The following SQLE variants were observed in gnomAD, a reference collection of about 807,000 sequenced individuals.
SQLE encodes squalene epoxidase.
A neutral mutation model predicts 60.7 loss-of-function variants in SQLE; 29 were observed. That is an observed-to-expected ratio of 0.48 (90% CI 0.36 to 0.65). The LOEUF (loss-of-function observed/expected upper bound fraction) is 0.65, where lower values mean the gene tolerates loss of function less well. SQLE is among the 30% of genes least tolerant of loss of function. The probability of loss-of-function intolerance (pLI) is 0.00; values close to 1 mark genes in which losing one functional copy is unlikely to be tolerated. For synonymous variants in SQLE, 237 were observed against 246.8 expected (o/e 0.96, Z 0.37); for missense variants, 605 against 684.1 (o/e 0.88, Z 1.29).
chr8:125,005,615 T>G lies in SQLE; in HGVS notation c.635T>G (p.Leu212Arg). 1 of 1,612,534 alleles carries G rather than the reference T, an allele frequency of 6.2e-7. No individual in the cohort carries two copies. The highest frequency in any genetic ancestry group is 1.3e-5 in the African/African-American group (1 of 75,020). Residue 212 changes from leucine (L) to arginine (R), a missense_variant, in exon 3 of 11, where the codon CTG becomes CGG. Leu to Arg is a moderately radical substitution (Grantham distance 102). Coordinates refer to ENST00000265896, the MANE Select transcript of SQLE (RefSeq NM_003129.4). The part of the protein sequence containing the change: ...SKSEVQIPYP[L>R]SENNQVQSGR... ...TCAGAGGTTCAGATTCCTTACCCTC[T>G]GTCAGAAAACAATCAAGTGCAGAGT...
chr8:125,009,152 T>G lies in SQLE; in HGVS notation c.937-20T>G, dbSNP rs1563597737. Reference sequence around the variant, plus strand: ...TGAAATTTGAAAATTATTAAAACATTTTCTTTTTATTTGTTTTAGAATGCA... The same window carrying G: ...TGAAATTTGAAAATTATTAAAACATGTTCTTTTTATTTGTTTTAGAATGCA... On this transcript the variant is annotated intron_variant, in intron 5 of 10. Coordinates refer to ENST00000265896, the MANE Select transcript of SQLE (RefSeq NM_003129.4). 1 of 1,573,124 alleles carries G rather than the reference T, an allele frequency of 6.4e-7. No homozygotes were observed. The highest frequency in any genetic ancestry group is 8.6e-7 in the Non-Finnish European group (1 of 1,162,520).
intron 7 of SQLE, 104 bp downstream of exon 7, chr8:125,011,736 T>G: frequency 2.0e-6 from 2 of 1,004,596 alleles, no homozygotes. Context: ...AGATAGTTTG[T>G]CACTGTGGAT....
chr8:125,021,038 ACT>A (rs922856932), intron 10 of SQLE, 167 bp downstream of exon 10: 17 of 557,954 alleles, frequency 3.0e-5, no homozygotes, highest in African/African-American at 3.0e-4. Flanking sequence ...AATATTTAGT[ACT>A]GTTTTCTTTC....
At chr8:125,021,034 T>C (rs546409429) in intron 10 of SQLE, 163 bp downstream of exon 10, 2 of 564,730 alleles carry the variant, frequency 3.5e-6, no homozygotes, top group South Asian at 2.4e-5. Context: ...ACGCAATATT[T>C]AGTACTGTTT....
chr8:125,011,819 T>G (rs1390862262), intron 7 of SQLE, among the ~76,000 whole-genome samples, 187 bp downstream of exon 7: 2 of 113,498 alleles, frequency 1.8e-5, no homozygotes, highest in African/African-American at 7.4e-5. Context: ...ACAAGTATTG[T>G]GCTAGTCAGG....
At chr8:125,021,528 T>TA (rs3215422) in intron 10 of SQLE, among the ~76,000 whole-genome samples, 172 of 85,878 alleles carry the variant, frequency 2.0e-3, no homozygotes, top group African/African-American at 5.9e-3. Flanking sequence ...TATTTTTTCT[T>TA]AAAAAAAAAA....
At chr8:125,017,088 G>C (rs968466569) in intron 7 of SQLE, among the ~76,000 whole-genome samples, 3 of 152,066 alleles carry the variant, frequency 2.0e-5, no homozygotes. Context: ...ACAGCACTGG[G>C]TATTGGTGAA....
In SQLE at chr8:125,016,398, G is replaced by A. The variant is rs1815112302; in HGVS notation, c.1205-1661G>A. On this transcript the variant is annotated intron_variant, in intron 7 of 10. Transcript: ENST00000265896. The surrounding 1 kb of genome is among the most constrained non-coding windows in gnomAD (Gnocchi z 4.1). ...AGTTCTACTGTTGAGATTCTGCCATGTTCTTCAGTAAGTTAATTGAATTTT... is the reference window on the plus strand; with the variant it reads ...AGTTCTACTGTTGAGATTCTGCCATATTCTTCAGTAAGTTAATTGAATTTT... 6.6e-6 allele frequency among the ~76,000 whole-genome samples: 1 copy of A among 151,928 alleles called. No homozygotes were observed. The highest frequency in any genetic ancestry group is 2.4e-5 in the African/African-American group (1 of 41,340).
chr8:125,004,586 A>AT (rs1247886551), intron 2 of SQLE, among the ~76,000 whole-genome samples: 2 of 151,670 alleles, frequency 1.3e-5, no homozygotes, highest in African/African-American at 2.4e-5. Context: ...TCGTTTGAAC[A>AT]TTTTTTCTGA....
At chr8:125,001,398 C>T (rs971837688) in intron 1 of SQLE, among the ~76,000 whole-genome samples, 1 of 151,648 alleles carries the variant, frequency 6.6e-6, no homozygotes, top group South Asian at 2.1e-4. Context: ...AGTGCTTACT[C>T]TACTGATCAG....
intron 3 of SQLE, among the ~76,000 whole-genome samples, chr8:125,006,615 G>A (rs142611912): frequency 2.2e-5 from 3 of 138,606 alleles, no homozygotes; most frequent in African/African-American, 5.4e-5. Flanking sequence ...AGCGAGACTT[G>A]GTCTCAAAAA....
At chr8:125,013,037 G>A (rs1426075226) in intron 7 of SQLE, among the ~76,000 whole-genome samples, 1 of 152,070 alleles carries the variant, frequency 6.6e-6, no homozygotes, top group African/African-American at 2.4e-5. Flanking sequence ...TATGCATATA[G>A]GCCATTTGTT....
chr8:125,019,803 AGAT>A (rs1207168096), intron 9 of SQLE, among the ~76,000 whole-genome samples: 2 of 152,166 alleles, frequency 1.3e-5, no homozygotes, highest in Admixed American at 6.6e-5. Context: ...TAATTACAAA[AGAT>A]GATACAATAA....
chr8:125,020,539 C>G (rs1815186374), intron 9 of SQLE, among the ~76,000 whole-genome samples: 1 of 152,234 alleles, frequency 6.6e-6, no homozygotes, highest in South Asian at 2.1e-4. Context: ...TTTTAAACAA[C>G]TCTTCCAAGA....
At chr8:125,015,352 C>T (rs1815095289) in intron 7 of SQLE, among the ~76,000 whole-genome samples, 1 of 152,128 alleles carries the variant, frequency 6.6e-6, no homozygotes, top group Non-Finnish European at 1.5e-5. Flanking sequence ...CATTCAGCCA[C>T]TTACGCCTTT....
intron 1 of SQLE, among the ~76,000 whole-genome samples, chr8:125,001,374 A>G (rs1168593792): frequency 6.6e-6 from 1 of 151,808 alleles, no homozygotes; most frequent in Non-Finnish European, 1.5e-5. Context: ...TCTATTGACT[A>G]CTAAGTTCCC....
chr8:125,001,439 C>T (rs1394880575), intron 1 of SQLE, among the ~76,000 whole-genome samples: 4 of 146,400 alleles, frequency 2.7e-5, no homozygotes, highest in Admixed American at 2.1e-4. Context: ...CTCCAGAGCT[C>T]TCCTTTCAGG....
At chr8:125,004,920 G>A (rs1814923477) in intron 2 of SQLE, among the ~76,000 whole-genome samples, 1 of 152,074 alleles carries the variant, frequency 6.6e-6, no homozygotes, top group African/African-American at 2.4e-5. Context: ...TGAATTCAGT[G>A]TTTTGTTTGC....
At position 125,022,048 on chromosome 8, in the gene SQLE, GTGGAAAC is replaced by G; in HGVS notation, c.*105_*111del. 1.3e-6 allele frequency: 1 copy of G among 790,106 alleles called. No homozygotes were observed. The highest frequency in any genetic ancestry group is 6.1e-5 in the South Asian group (1 of 16,322). 48.9% of individuals were successfully genotyped at this position (790,106 alleles called of 1,614,324 possible). ...AGCATAGTACCATACCACTTATAAA[GTGGAAAC>G]TCTTGGACCAAGATTTGGATTAATT... On this transcript the variant is annotated 3_prime_UTR_variant, in exon 11 of 11. Transcript: ENST00000265896.
Sources: allele counts gnomAD v4.1 joint callset (sites outside exome capture counted in the v4.1 genomes callset), GRCh38; gene constraint gnomAD v4.1.1; non-coding constraint Gnocchi (gnomAD v3.1); transcripts MANE v1.5; gene names NCBI Gene and HGNC (gene_info 2026-07-23, HGNC 2026-07-21).